The following PLA2G15 variants were observed in gnomAD, a reference collection of about 807,000 sequenced individuals.
PLA2G15 encodes lysosomal phospholipase A and acyltransferase.
PLA2G15 carries 20 observed loss-of-function variants against 40.9 expected under a neutral mutation model. That is an observed-to-expected ratio of 0.49 (90% CI 0.34 to 0.71). PLA2G15 has a LOEUF of 0.71. Among genes scored for constraint, PLA2G15 ranks in the 30% least tolerant of loss-of-function variants. The probability of loss-of-function intolerance (pLI) is 0.01; values close to 1 mark genes in which losing one functional copy is unlikely to be tolerated. For missense variants in PLA2G15, 471 were observed against 541.9 expected (o/e 0.87, Z 1.30); for synonymous variants, 223 against 228.2 (o/e 0.98, Z 0.21).
intron 1 of PLA2G15, 146 bp downstream of exon 1, chr16:68,245,699 G>C (rs1186730211): frequency 1.0e-6 from 1 of 976,158 alleles, no homozygotes; most frequent in Non-Finnish European, 1.5e-6. Flanking sequence ...TAGATCTGCC[G>C]GCTCACCTCC....
chr16:68,255,635 A>T lies in PLA2G15; in HGVS notation c.503-131A>T. 1.3e-6 allele frequency: 1 copy of T among 745,748 alleles called. No homozygotes were observed. 46.2% of individuals were successfully genotyped at this position (745,748 alleles called of 1,614,324 possible). On this transcript the variant is annotated intron_variant, in intron 4 of 5. Coordinates refer to ENST00000219345, the MANE Select transcript of PLA2G15 (RefSeq NM_012320.4). This position sits in a 1 kb window ranked among gnomAD's most constrained non-coding sequence, Gnocchi z 5.9. The stretch of plus-strand genomic sequence containing the variant: ...TCCTCCCTTCATGGAAGGCGGGGGG[A>T]CCCAGACCGCTCTGTTTGAATGTGA...
At chr16:68,249,991 C>T (rs949887880) in intron 2 of PLA2G15, among the ~76,000 whole-genome samples, 6 of 151,806 alleles carry the variant, frequency 4.0e-5, no homozygotes, top group African/African-American at 1.5e-4. Flanking sequence ...CACAAAATTT[C>T]TGTGTCCCAG....
chr16:68,256,230 G>A (rs1242799544), intron 5 of PLA2G15: 13 of 477,430 alleles, frequency 2.7e-5, no homozygotes, highest in Non-Finnish European at 4.5e-5. Flanking sequence ...GTGGGGGCAA[G>A]ACAAGATGGT....
At position 68,255,785 on chromosome 16, in the gene PLA2G15, C is replaced by A; in HGVS notation, c.522C>A (p.Phe174Leu). 6.2e-7 allele frequency: 1 copy of A among 1,614,110 alleles called. No individual in the cohort carries two copies. Among genetic ancestry groups the A allele is most frequent in the Non-Finnish European group, 8.5e-7 (1 of 1,179,946 alleles). The change falls in exon 5 of 6, where the codon TTC becomes TTA. Residue 174 changes from phenylalanine to leucine, a missense_variant. Transcript: ENST00000219345. The surrounding 1 kb of genome is among the most constrained non-coding windows in gnomAD (Gnocchi z 5.9). ...RRAPNENGPY[F>L]LALREMIEEM... ...CTGCAGATGAAAACGGGCCCTACTT[C>A]CTGGCCCTCCGCGAGATGATCGAGG...
At position 68,255,279 on chromosome 16, in the gene PLA2G15, C is replaced by T. The variant is rs1192783154; in HGVS notation, c.404-3C>T. The stretch of plus-strand genomic sequence containing the variant: ...TTCTTATCCTCTGTATTTCTGTCTA[C>T]AGGTTCCTATTTCCACACCATGGTG... On this transcript the variant is annotated splice_polypyrimidine_tract_variant and splice_region_variant and intron_variant, in intron 3 of 5. Coordinates refer to ENST00000219345, the MANE Select transcript of PLA2G15 (RefSeq NM_012320.4). This position sits in a 1 kb window ranked among gnomAD's most constrained non-coding sequence, Gnocchi z 5.9. 6.2e-7 allele frequency: 1 copy of T among 1,607,130 alleles called. No homozygotes were observed. Among genetic ancestry groups the T allele is most frequent in the Non-Finnish European group, 8.5e-7 (1 of 1,173,938 alleles).
chr16:68,255,458 G>T lies in PLA2G15; in HGVS notation c.502+78G>T. The T allele has an allele frequency of 1.0e-6, 1 of 982,558 alleles. No individual in the cohort carries two copies. Among genetic ancestry groups the T allele is most frequent in the Non-Finnish European group, 1.5e-6 (1 of 656,078 alleles). The allele number at this position is 982,558 out of a possible 1,614,324, so 60.9% of individuals were successfully genotyped here. A position where few individuals can be genotyped will look rare whatever the true frequency, so the allele number is the denominator to read the frequency against. On this transcript the variant is annotated intron_variant, in intron 4 of 5. Coordinates refer to ENST00000219345, the MANE Select transcript of PLA2G15 (RefSeq NM_012320.4). This position sits in a 1 kb window ranked among gnomAD's most constrained non-coding sequence, Gnocchi z 5.9. ...TGATCATGGGCACCACAGACCTTGG[G>T]CTCTCCCCTTGTCCTTGGCTGTCTC... is the stretch of plus-strand genomic sequence containing the variant.
chr16:68,248,822 G>A (rs2042331506), intron 1 of PLA2G15: 1 of 556,398 alleles, frequency 1.8e-6, no homozygotes, highest in Non-Finnish European at 2.3e-6. Context: ...GTGTAGAGGT[G>A]TGTCTGTGTT....
chr16:68,258,395 G>A (rs1367613466), intron 5 of PLA2G15, among the ~76,000 whole-genome samples: 1 of 152,230 alleles, frequency 6.6e-6, no homozygotes, highest in Non-Finnish European at 1.5e-5. Context: ...GACTAGGTCA[G>A]TGCCCACAGG....
Position 68,259,102 on chromosome 16 carries a change from C to A in PLA2G15, c.728-44C>A. The A allele has an allele frequency of 6.4e-7, 1 of 1,551,254 alleles. No homozygotes were observed. Among genetic ancestry groups the A allele is most frequent in the South Asian group, 1.2e-5 (1 of 80,912 alleles). ...GGTGGTGAACATGCTGCCCAACCAG[C>A]TGGCATTCCTAAGCACAGACTGACC... On this transcript the variant is annotated intron_variant, in intron 5 of 5. Coordinates refer to ENST00000219345, the MANE Select transcript of PLA2G15 (RefSeq NM_012320.4). The surrounding 1 kb of genome is among the most constrained non-coding windows in gnomAD (Gnocchi z 6.5).
At position 68,259,380 on chromosome 16, in the gene PLA2G15, C is replaced by T. The variant is rs189268409; in HGVS notation, c.962C>T (p.Thr321Met). 4.7e-5 allele frequency: 76 copies of T among 1,613,996 alleles called. 2 individuals are homozygous for T. The East Asian group carries it at 1.4e-3, about 29-fold the overall frequency. The stretch of plus-strand genomic sequence containing the variant: ...GACACAGAAGGGCTGGTGGAAGCCA[C>T]GATGCCACCTGGCGTGCAGCTGCAC... ...RQDTEGLVEA[T>M]MPPGVQLHCL... The change falls in exon 6 of 6, where the codon ACG becomes ATG. Residue 321 changes from threonine to methionine, a missense_variant. Thr to Met is a moderately conservative substitution (Grantham distance 81). Transcript: ENST00000219345. This position sits in a 1 kb window ranked among gnomAD's most constrained non-coding sequence, Gnocchi z 6.5.
intron 2 of PLA2G15, among the ~76,000 whole-genome samples, chr16:68,253,179 G>A (rs571034857): frequency 1.3e-5 from 2 of 152,246 alleles, no homozygotes; most frequent in South Asian, 4.2e-4. Flanking sequence ...GGATGTGTTT[G>A]GAGGTTGGCT....
chr16:68,249,214 G>C (rs1237055498), intron 1 of PLA2G15, 76 bp from the exon 2 acceptor site: 1 of 1,234,746 alleles, frequency 8.1e-7, no homozygotes, highest in African/African-American at 1.5e-5. Context: ...CAGGGGGTCT[G>C]CTGCAGACAT....
chr16:68,253,508 G>T (rs1191490402), intron 2 of PLA2G15: 1 of 425,958 alleles, frequency 2.3e-6, no homozygotes, highest in South Asian at 1.7e-5. Flanking sequence ...CCGGATAACT[G>T]GGATTACAGG....
chr16:68,245,558 G>A lies in PLA2G15; in HGVS notation c.127+5G>A. On this transcript the variant is annotated splice_donor_5th_base_variant and intron_variant, in intron 1 of 5. Transcript: ENST00000219345. Reference sequence around the variant, plus strand: ...GTCACCCCCCAGTGGTGCTGGGTGAGGCACGGGTCTCGTGGTGGATCTGTC... The same window carrying A: ...GTCACCCCCCAGTGGTGCTGGGTGAAGCACGGGTCTCGTGGTGGATCTGTC... 1 of 1,572,188 alleles carries A rather than the reference G, an allele frequency of 6.4e-7. No homozygotes were observed. Among genetic ancestry groups the A allele is most frequent in the Non-Finnish European group, 8.6e-7 (1 of 1,164,880 alleles).
At chr16:68,256,878 ATTT>A (rs759192096) in intron 5 of PLA2G15, among the ~76,000 whole-genome samples, 2 of 133,460 alleles carry the variant, frequency 1.5e-5, no homozygotes. Flanking sequence ...AGGCTAGAGC[ATTT>A]TTTTTTTTTT....
intron 2 of PLA2G15, chr16:68,250,196 T>TTTTGG: frequency 2.7e-5 from 6 of 223,670 alleles, no homozygotes; most frequent in South Asian, 8.3e-5. Context: ...TTTTTTTTTT[T>TTTTGG]GGAGACGGAG....
At chr16:68,252,946 C>A (rs2042367456) in intron 2 of PLA2G15, among the ~76,000 whole-genome samples, 2 of 152,146 alleles carry the variant, frequency 1.3e-5, no homozygotes, top group Non-Finnish European at 2.9e-5. Context: ...GTGCTGCAGC[C>A]TGGGCAACAG....
chr16:68,252,274 A>T (rs1303559376), intron 2 of PLA2G15, among the ~76,000 whole-genome samples: 2 of 152,182 alleles, frequency 1.3e-5, no homozygotes, highest in Non-Finnish European at 2.9e-5. Flanking sequence ...AGGACCTGTT[A>T]TCTGGGTCAG....
At position 68,259,568 on chromosome 16, in the gene PLA2G15, C is replaced by T; in HGVS notation, c.1150C>T (p.Leu384=). 1 of 1,613,458 alleles carries T rather than the reference C, an allele frequency of 6.2e-7. No individual in the cohort carries two copies. Among genetic ancestry groups the T allele is most frequent in the Non-Finnish European group, 8.5e-7 (1 of 1,180,028 alleles). ...GAGCCGCCAGGAGCACCAAGTGTTG[C>T]TGCAGGAGCTGCCAGGCAGCGAGCA... The part of the protein sequence containing the change: ...WQSRQEHQVL[L]QELPGSEHIE... Residue 384 remains leucine, a synonymous_variant, in exon 6 of 6, where the codon CTG becomes TTG. Coordinates refer to ENST00000219345, the MANE Select transcript of PLA2G15 (RefSeq NM_012320.4). The surrounding 1 kb of genome is among the most constrained non-coding windows in gnomAD (Gnocchi z 6.5).
Sources: allele counts gnomAD v4.1 joint callset (sites outside exome capture counted in the v4.1 genomes callset), GRCh38; gene constraint gnomAD v4.1.1; non-coding constraint Gnocchi (gnomAD v3.1); transcripts MANE v1.5; gene names NCBI Gene and HGNC (gene_info 2026-07-23, HGNC 2026-07-21).